Variants in CACNA1D observed in about 807,000 individuals in gnomAD.
CACNA1D encodes voltage-dependent L-type calcium channel subunit alpha-1D.
CACNA1D carries 55 observed loss-of-function variants against 257.1 expected under a neutral mutation model. The ratio of observed to expected loss-of-function variants is 0.21; its 90% CI spans 0.17 to 0.27. CACNA1D has a LOEUF of 0.27. Ranked by LOEUF, CACNA1D falls within the 10% of genes least tolerant of loss-of-function variation. CACNA1D has a pLI of 1.00. For synonymous variants in CACNA1D, 980 were observed against 1,014.9 expected (o/e 0.97, Z 0.65); for missense variants, 1,876 against 2,784.0 (o/e 0.67, Z 7.34).
intron 1 of CACNA1D, among the ~76,000 whole-genome samples, chr3:53,496,564 G>A (rs1012504016): frequency 6.6e-6 from 1 of 152,212 alleles, no homozygotes; most frequent in Non-Finnish European, 1.5e-5. Context: ...AAGTGTCAGT[G>A]CATAATCTAG....
chr3:53,707,076 A>G (rs1013443315), intron 9 of CACNA1D, among the ~76,000 whole-genome samples: 3 of 151,974 alleles, frequency 2.0e-5, no homozygotes, highest in African/African-American at 7.3e-5. Flanking sequence ...CTTGAAGTCC[A>G]TTTCTAGTTT....
In CACNA1D at chr3:53,786,903, A is replaced by G; in HGVS notation, c.4874A>G (p.Gln1625Arg). 6.2e-7 allele frequency: 1 copy of G among 1,614,102 alleles called. No homozygotes were observed. Among genetic ancestry groups the G allele is most frequent in the Non-Finnish European group, 8.5e-7 (1 of 1,179,930 alleles). Residue 1625 changes from glutamine (Q) to arginine (R), a missense_variant, in exon 40 of 48, where the codon CAA (glutamine) becomes CGA (arginine). By Grantham distance (43) the Gln-to-Arg change is conservative (BLOSUM62 1). Transcript: ENST00000350061. ...YFRKFKKRKE[Q>R]GLVGKYPAKN... The stretch of plus-strand genomic sequence containing the variant: ...AGGAAATTCAAGAAACGGAAAGAAC[A>G]AGGACTGGTGGGAAAGTACCCTGCG...
intron 3 of CACNA1D, among the ~76,000 whole-genome samples, chr3:53,641,304 A>G (rs1356148455): frequency 6.6e-6 from 1 of 152,154 alleles, no homozygotes; most frequent in East Asian, 1.9e-4. Context: ...TGCTCCGGAC[A>G]CGATTAGCTG....
chr3:53,567,180 A>C (rs1042905878), intron 3 of CACNA1D, among the ~76,000 whole-genome samples: 1 of 152,232 alleles, frequency 6.6e-6, no homozygotes. Context: ...TGCCAGAGGC[A>C]TGGTACCCCA....
At position 53,501,426 on chromosome 3, in the gene CACNA1D, C is replaced by T. The variant is rs76352917; in HGVS notation, c.378-189C>T. ...CACGGAGAGGTCATTTGGTAGGAGG[C>T]TCCACTGTGAGATGACCACCGATGA... On this transcript the variant is annotated intron_variant, in intron 2 of 47. Coordinates refer to ENST00000350061, the MANE Select transcript of CACNA1D (RefSeq NM_001128840.3). 2.0e-3 allele frequency among the ~76,000 whole-genome samples: 302 copies of T among 152,150 alleles called. 1 individual carries two copies. The highest frequency in any genetic ancestry group is 6.3e-3 in the African/African-American group (260 of 41,504).
At chr3:53,752,180 C>T (rs934193795) in intron 28 of CACNA1D, among the ~76,000 whole-genome samples, 2 of 152,116 alleles carry the variant, frequency 1.3e-5, no homozygotes, top group African/African-American at 2.4e-5. Flanking sequence ...AAACATTTAC[C>T]ATGGGCCTCC....
Position 53,800,225 on chromosome 3 carries a change from G to C in CACNA1D, c.4924-24G>C, listed in dbSNP as rs1486382310. The C allele has an allele frequency of 1.9e-6, 3 of 1,541,652 alleles. No individual in the cohort carries two copies. Among genetic ancestry groups the C allele is most frequent in the Middle Eastern group, 1.7e-4 (1 of 5,926 alleles). Reference sequence around the variant, plus strand: ...CCAGGGCCCATGTGTGGTCTAACCTGTTCTGCCATTTTCATTGATCTAGGC... The same window carrying C: ...CCAGGGCCCATGTGTGGTCTAACCTCTTCTGCCATTTTCATTGATCTAGGC... On this transcript the variant is annotated intron_variant, in intron 40 of 47. Transcript: ENST00000350061. This position sits in a 1 kb window ranked among gnomAD's most constrained non-coding sequence, Gnocchi z 4.3.
At position 53,592,295 on chromosome 3, in the gene CACNA1D, G is replaced by A. The variant is rs537474182; in HGVS notation, c.484-58484G>A. ...GAAAGAAGTGAAGGGAGCAAGCTGT[G>A]AGGATAGCCAGGGCAGAGGGGATGG... On this transcript the variant is annotated intron_variant, in intron 3 of 47. Coordinates refer to ENST00000350061, the MANE Select transcript of CACNA1D (RefSeq NM_001128840.3). Among the ~76,000 whole-genome samples, 4 of 152,348 alleles carry A rather than the reference G, an allele frequency of 2.6e-5. No individual in the cohort carries two copies. In the East Asian group the frequency reaches 7.7e-4, roughly 29 times the overall value.
At chr3:53,685,712 CAAAA>C (rs2094468432) in intron 8 of CACNA1D, among the ~76,000 whole-genome samples, 1 of 151,936 alleles carries the variant, frequency 6.6e-6, no homozygotes, top group African/African-American at 2.4e-5. Context: ...ACCTATAACT[CAAAA>C]AATAATAAAA....
At chr3:53,658,626 T>G (rs1035403173) in intron 4 of CACNA1D, among the ~76,000 whole-genome samples, 1 of 152,220 alleles carries the variant, frequency 6.6e-6, no homozygotes, top group Non-Finnish European at 1.5e-5. Flanking sequence ...CAGAAGAGTT[T>G]GAGGTTTTCT....
intron 9 of CACNA1D, among the ~76,000 whole-genome samples, chr3:53,714,513 G>A (rs1182767459): frequency 2.0e-5 from 3 of 152,160 alleles, no homozygotes; most frequent in Admixed American, 6.5e-5. Flanking sequence ...TTGTGCTGTC[G>A]TCGGTCACTG....
At chr3:53,532,551 T>C (rs1472938478) in intron 3 of CACNA1D, among the ~76,000 whole-genome samples, 3 of 152,188 alleles carry the variant, frequency 2.0e-5, no homozygotes, top group Non-Finnish European at 4.4e-5. Context: ...TAAAGATAAG[T>C]GTTAAGCACT....
rs76224261 is a variant in CACNA1D, at chr3:53,563,960, C to T, written c.483+62240C>T. On this transcript the variant is annotated intron_variant, in intron 3 of 47. Transcript: ENST00000350061. The stretch of plus-strand genomic sequence containing the variant: ...TTATTGGATGATGCCTAGTTGTTTT[C>T]CAAGGGGTTATATAAATTTATACTC... Among the ~76,000 whole-genome samples the T allele has an allele frequency of 2.3e-3, 345 of 152,140 alleles. 3 individuals carry two copies. Among genetic ancestry groups the T allele is most frequent in the Non-Finnish European group, 4.2e-3 (283 of 67,990 alleles).
chr3:53,796,227 G>A (rs575429398), intron 40 of CACNA1D: 14 of 404,582 alleles, frequency 3.5e-5, no homozygotes, highest in African/African-American at 1.6e-4. Flanking sequence ...CCAGCGAGAC[G>A]ACTGTGTGCA....
chr3:53,543,336 G>A (rs1457474607), intron 3 of CACNA1D, among the ~76,000 whole-genome samples: 3 of 152,066 alleles, frequency 2.0e-5, no homozygotes, highest in Non-Finnish European at 4.4e-5. Flanking sequence ...AACCCATTTC[G>A]GGAGTAAACC....
At chr3:53,662,887 G>T (rs2108345457) in intron 5 of CACNA1D, among the ~76,000 whole-genome samples, 1 of 152,310 alleles carries the variant, frequency 6.6e-6, no homozygotes, top group Non-Finnish European at 1.5e-5. Flanking sequence ...CTGGGGGTTA[G>T]TTTTGCATGG....
Position 53,723,446 on chromosome 3 carries a change from A to G in CACNA1D, c.1679A>G (p.Lys560Arg). 3 of 1,613,892 alleles carry G rather than the reference A, an allele frequency of 1.9e-6. No homozygotes were observed. The highest frequency in any genetic ancestry group is 2.5e-6 in the Non-Finnish European group (3 of 1,179,792). Residue 560 changes from lysine (K) to arginine (R), a missense_variant, in exon 13 of 48, where the codon AAA (lysine) becomes AGA (arginine). This residue lies in a region of CACNA1D where 257 missense variants were observed against 399.7 expected (regional missense o/e 0.64). Transcript: ENST00000350061. The surrounding 1 kb of genome is among the most constrained non-coding windows in gnomAD (Gnocchi z 5.6). ...TTTGTCTTTCCAGATATTGCCAACA[A>G]AGTCCTCTTGGCTCTGTTCACCTGC... ...WLTQIQDIAN[K>R]VLLALFTCEM...
chr3:53,805,212 C>G, intron 45 of CACNA1D, 66 bp downstream of exon 45: 1 of 1,470,776 alleles, frequency 6.8e-7, no homozygotes, highest in Non-Finnish European at 9.4e-7. Flanking sequence ...CCCCAACCCC[C>G]GCTCTGGGGG....
chr3:53,666,507 T>C lies in CACNA1D; in HGVS notation c.1088T>C (p.Met363Thr). The C allele has an allele frequency of 6.2e-7, 1 of 1,614,112 alleles. No homozygotes were observed. ...AMLTVFQCIT[M>T]EGWTDVLYWM... ...CTTACTGTGTTTCAGTGCATCACCA[T>C]GGAGGGCTGGACAGATGTGCTCTAC... is the stretch of plus-strand genomic sequence containing the variant. Residue 363 changes from methionine to threonine, a missense_variant, in exon 7 of 48, where the codon ATG becomes ACG. Around this residue, in one of 10 missense-constraint regions of CACNA1D, gnomAD observed 188 missense variants for 390.4 expected, o/e 0.48. Transcript: ENST00000350061.
Sources: gnomAD v4.1 joint callset for allele counts (sites outside exome capture counted in the v4.1 genomes callset) on GRCh38, gnomAD v4.1.1 for gene constraint, gnomAD v4.1.1 regional missense constraint, Gnocchi (gnomAD v3.1) non-coding constraint, MANE v1.5 for transcripts, NCBI Gene and HGNC (gene_info 2026-07-23, HGNC 2026-07-21) for gene names.